Variants in GMDS observed in about 807,000 individuals in gnomAD.
GMDS encodes the protein GDP-mannose 4,6-dehydratase.
A neutral mutation model predicts 49.9 loss-of-function variants in GMDS; 20 were observed. That is an observed-to-expected ratio of 0.40 (90% CI 0.28 to 0.58). The LOEUF (loss-of-function observed/expected upper bound fraction) is 0.58, where lower values mean the gene tolerates loss of function less well. Among genes scored for constraint, GMDS ranks in the 20% least tolerant of loss-of-function variants. The probability of loss-of-function intolerance (pLI) is 0.42; values close to 1 mark genes in which losing one functional copy is unlikely to be tolerated. For synonymous variants in GMDS, 177 were observed against 178.6 expected (o/e 0.99, Z 0.07); for missense variants, 362 against 481.4 (o/e 0.75, Z 2.32).
chr6:1,832,870 T>G (rs1186208639), intron 7 of GMDS, among the ~76,000 whole-genome samples: 3 of 152,200 alleles, frequency 2.0e-5, no homozygotes, highest in African/African-American at 7.2e-5. Flanking sequence ...AAAGTCAGCA[T>G]GAACATGTGA....
At chr6:1,972,464 T>G (rs879295827) in intron 4 of GMDS, among the ~76,000 whole-genome samples, 1 of 152,172 alleles carries the variant, frequency 6.6e-6, no homozygotes, top group African/African-American at 2.4e-5. Context: ...AAAAACTCAC[T>G]GAGATTCTTT....
intron 4 of GMDS, among the ~76,000 whole-genome samples, chr6:1,967,999 G>A (rs1764364222): frequency 6.6e-6 from 1 of 152,210 alleles, no homozygotes; most frequent in Admixed American, 6.5e-5. Flanking sequence ...AATCCCATGT[G>A]CTTTTAAAGC....
At chr6:2,007,771 A>G (rs1340468464) in intron 4 of GMDS, among the ~76,000 whole-genome samples, 2 of 152,168 alleles carry the variant, frequency 1.3e-5, no homozygotes, top group Admixed American at 6.5e-5. Context: ...GGGCTTTTGC[A>G]CTGTTGAAAA....
At chr6:2,035,270 G>A (rs1263238952) in intron 4 of GMDS, among the ~76,000 whole-genome samples, 1 of 152,114 alleles carries the variant, frequency 6.6e-6, no homozygotes, top group Non-Finnish European at 1.5e-5. Flanking sequence ...CTCCCCTCAT[G>A]TGCCAAGTTT....
intron 1 of GMDS, among the ~76,000 whole-genome samples, chr6:2,243,110 G>A (rs756637066): frequency 3.3e-5 from 5 of 152,192 alleles, no homozygotes; most frequent in Non-Finnish European, 7.3e-5. Context: ...GATGCCGGAG[G>A]GAAGAAAGAA....
At chr6:1,714,292 A>G (rs891419381) in intron 9 of GMDS, among the ~76,000 whole-genome samples, 4 of 152,222 alleles carry the variant, frequency 2.6e-5, no homozygotes, top group Non-Finnish European at 5.9e-5. Flanking sequence ...TGCTGGGATT[A>G]CAGGCGTGAG....
chr6:2,034,953 T>TG (rs1428792609), intron 4 of GMDS, among the ~76,000 whole-genome samples: 5 of 152,050 alleles, frequency 3.3e-5, no homozygotes, highest in Non-Finnish European at 5.9e-5. Flanking sequence ...TGAGGATGGT[T>TG]GGGGGGAAAA....
intron 4 of GMDS, among the ~76,000 whole-genome samples, chr6:2,108,666 T>C (rs1223658129): frequency 2.0e-5 from 3 of 152,146 alleles, no homozygotes; most frequent in Non-Finnish European, 4.4e-5. Context: ...TAGTAAACAG[T>C]GGGAATGACA....
At chr6:1,854,645 G>C (rs76805190) in intron 7 of GMDS, among the ~76,000 whole-genome samples, 4,290 of 152,266 alleles carry the variant, frequency 0.028, 198 homozygotes, top group African/African-American at 0.097. Flanking sequence ...CCACATTGCA[G>C]AGCCATTCTC....
chr6:2,129,689 G>A (rs572530839), intron 1 of GMDS, among the ~76,000 whole-genome samples: 23 of 152,204 alleles, frequency 1.5e-4, no homozygotes, highest in Non-Finnish European at 2.9e-4. Flanking sequence ...CCAGCTAATC[G>A]GAATTACAAT....
intron 6 of GMDS, among the ~76,000 whole-genome samples, chr6:1,942,473 GC>G (rs1446372124): frequency 6.6e-6 from 1 of 152,162 alleles, no homozygotes; most frequent in Non-Finnish European, 1.5e-5. Context: ...GCCCAAGCTG[GC>G]CCAAAGCACC....
chr6:2,175,693 C>T (rs1778249930), intron 1 of GMDS, among the ~76,000 whole-genome samples: 1 of 152,278 alleles, frequency 6.6e-6, no homozygotes, highest in South Asian at 2.1e-4. Flanking sequence ...TTTTAATACA[C>T]GTACAAAGGC....
At chr6:2,068,000 G>C (rs373901722) in intron 4 of GMDS, among the ~76,000 whole-genome samples, 27,138 of 149,204 alleles carry the variant, frequency 0.18, 2,732 homozygotes, top group Non-Finnish European at 0.21. Context: ...GATGAACATT[G>C]ATGCAAAAAT....
At position 2,199,489 on chromosome 6, in the gene GMDS, C is replaced by A. The variant is rs144637947; in HGVS notation, c.102+45832G>T. ...CTTTCTGCCTTCAAATGCCTCCACTCTCTGTCCTCGCTGCTCTCCCCACTC... is the reference window on the plus strand; with the variant it reads ...CTTTCTGCCTTCAAATGCCTCCACTATCTGTCCTCGCTGCTCTCCCCACTC... On this transcript the variant is annotated intron_variant, in intron 1 of 10. Transcript: ENST00000380815. Among the ~76,000 whole-genome samples, 95 of 152,276 alleles carry A rather than the reference C, an allele frequency of 6.2e-4. 1 individual carries two copies. The East Asian group carries it at 0.017, about 27-fold the overall frequency.
At chr6:1,854,971 G>T (rs927645313) in intron 7 of GMDS, among the ~76,000 whole-genome samples, 5 of 152,164 alleles carry the variant, frequency 3.3e-5, no homozygotes, top group African/African-American at 1.2e-4. Context: ...GAGAAGAAAA[G>T]TCTGTGGGTC....
At chr6:1,643,985 G>C (rs1261210418) in intron 9 of GMDS, among the ~76,000 whole-genome samples, 1 of 152,070 alleles carries the variant, frequency 6.6e-6, no homozygotes, top group Non-Finnish European at 1.5e-5. Flanking sequence ...CTCCCAGGGC[G>C]GACGGCCCTT....
chr6:1,923,284 T>C (rs965704359), intron 7 of GMDS, among the ~76,000 whole-genome samples: 3 of 152,038 alleles, frequency 2.0e-5, no homozygotes. Context: ...ACCCACTGAG[T>C]GCGGGTACCC....
Position 2,058,677 on chromosome 6 carries a change from C to T in GMDS, c.345+57094G>A, listed in dbSNP as rs763628588. On this transcript the variant is annotated intron_variant, in intron 4 of 10. Transcript: ENST00000380815. Reference sequence around the variant, plus strand: ...GGAATAGCAACCATCAAAGTCTAAGCGTGGAAGTCCAGCAGAGATCAACGG... The same window carrying T: ...GGAATAGCAACCATCAAAGTCTAAGTGTGGAAGTCCAGCAGAGATCAACGG... 2.6e-5 allele frequency among the ~76,000 whole-genome samples: 4 copies of T among 152,112 alleles called. No individual in the cohort carries two copies. In the South Asian group the frequency reaches 6.2e-4, roughly 24 times the overall value.
intron 4 of GMDS, among the ~76,000 whole-genome samples, chr6:1,961,523 G>GA (rs1489835338): frequency 6.6e-6 from 1 of 152,162 alleles, no homozygotes; most frequent in African/African-American, 2.4e-5. Context: ...CATACAGCAA[G>GA]ATGCTAATGT....
Sources: gnomAD v4.1 joint callset for allele counts (sites outside exome capture counted in the v4.1 genomes callset) on GRCh38, gnomAD v4.1.1 for gene constraint, MANE v1.5 for transcripts, NCBI Gene and HGNC (gene_info 2026-07-23, HGNC 2026-07-21) for gene names.